The following AUTS2 variants were observed in gnomAD, a reference collection of about 807,000 sequenced individuals.
The protein encoded by AUTS2 is activator of transcription and developmental regulator AUTS2, also known as autism susceptibility gene 2 protein.
Under a neutral mutation model 112.4 loss-of-function variants are expected in AUTS2, and 17 were observed. The observed-to-expected ratio is 0.15, with a 90% CI of 0.10 to 0.23. The LOEUF (loss-of-function observed/expected upper bound fraction) is 0.23. Ranked by LOEUF, AUTS2 falls within the 10% of genes least tolerant of loss-of-function variation. The pLI is 1.00. For missense variants in AUTS2, 1,510 were observed against 1,701.6 expected, an observed-to-expected ratio of 0.89 and a Z score of 1.98; for synonymous variants, 751 against 702.7, an observed-to-expected ratio of 1.07 and a Z score of -1.09.
At chr7:70,186,794 C>A (rs1379027072) in intron 4 of AUTS2, among the ~76,000 whole-genome samples, 1 of 152,178 alleles carries the variant, frequency 6.6e-6, no homozygotes, top group Non-Finnish European at 1.5e-5. Context: ...GTCCTGAACT[C>A]CTGACCTCAG....
chr7:70,468,354 C>T (rs902992728), intron 5 of AUTS2, among the ~76,000 whole-genome samples: 3 of 152,148 alleles, frequency 2.0e-5, no homozygotes, highest in Non-Finnish European at 2.9e-5. Context: ...AGAGGTTCAC[C>T]TCCTGCTCTA....
At chr7:70,056,133 G>A (rs185195290) in intron 2 of AUTS2, among the ~76,000 whole-genome samples, 156 of 151,914 alleles carry the variant, frequency 1.0e-3, no homozygotes, top group Non-Finnish European at 1.8e-3. Context: ...GATTACAGGC[G>A]TGCACCACCG....
At chr7:70,677,384 G>A (rs1807969957) in intron 5 of AUTS2, among the ~76,000 whole-genome samples, 1 of 152,136 alleles carries the variant, frequency 6.6e-6, no homozygotes, top group South Asian at 2.1e-4. Context: ...CTCGTCCCAA[G>A]CAAAGTCTCT....
At chr7:69,943,115 A>G (rs2129545146) in intron 2 of AUTS2, among the ~76,000 whole-genome samples, 1 of 152,354 alleles carries the variant, frequency 6.6e-6, no homozygotes, top group African/African-American at 2.4e-5. Flanking sequence ...CACACAGAGC[A>G]TGCATATGCC....
chr7:70,312,443 A>G (rs767475792), intron 4 of AUTS2, among the ~76,000 whole-genome samples: 1 of 152,188 alleles, frequency 6.6e-6, no homozygotes, highest in African/African-American at 2.4e-5. Context: ...TGTATATAAT[A>G]TAGGCAGTGA....
intron 1 of AUTS2, 100 bp downstream of exon 1, chr7:69,600,062 C>T: frequency 1.7e-6 from 2 of 1,146,354 alleles, no homozygotes. Context: ...GGCTGTCTGT[C>T]TGTCTGTCTG....
intron 6 of AUTS2, among the ~76,000 whole-genome samples, chr7:70,760,075 A>G (rs371694417): frequency 8.0e-5 from 12 of 150,274 alleles, no homozygotes; most frequent in South Asian, 2.1e-4. Flanking sequence ...GTGTGATCTC[A>G]GCTCACTGCA....
chr7:69,891,131 A>G (rs1794501813), intron 1 of AUTS2, among the ~76,000 whole-genome samples: 1 of 152,142 alleles, frequency 6.6e-6, no homozygotes, highest in South Asian at 2.1e-4. Context: ...GTCCCTTTAT[A>G]ATCCCTTCTT....
Position 70,752,768 on chromosome 7 carries a change from C to A in AUTS2, c.743-10102C>A, listed in dbSNP as rs1011805221. Among the ~76,000 whole-genome samples the A allele has an allele frequency of 2.6e-5, 4 of 152,316 alleles. No homozygotes were observed. In the East Asian group the frequency reaches 5.8e-4, roughly 22 times the overall value. On this transcript the variant is annotated intron_variant, in intron 6 of 18. Transcript: ENST00000342771. ...TTTTTAAGGATGCCATACCCACCCCCAATAGATCACAACCTATTTCTCTCA... is the reference window on the plus strand; with the variant it reads ...TTTTTAAGGATGCCATACCCACCCCAAATAGATCACAACCTATTTCTCTCA...
At chr7:70,725,317 T>G (rs1786963226) in intron 6 of AUTS2, among the ~76,000 whole-genome samples, 1 of 152,314 alleles carries the variant, frequency 6.6e-6, no homozygotes, top group South Asian at 2.1e-4. Flanking sequence ...TGTCATCAAC[T>G]TGGAGCATTC....
At chr7:70,488,910 T>G (rs2116371523) in intron 5 of AUTS2, among the ~76,000 whole-genome samples, 1 of 152,300 alleles carries the variant, frequency 6.6e-6, no homozygotes, top group Admixed American at 6.5e-5. Flanking sequence ...GGCTCACTTT[T>G]CCCATCACAT....
chr7:70,620,773 C>T (rs1804630260), intron 5 of AUTS2, among the ~76,000 whole-genome samples: 1 of 152,242 alleles, frequency 6.6e-6, no homozygotes, highest in Non-Finnish European at 1.5e-5. Flanking sequence ...ATTTCTCCCT[C>T]TCATTGCTTG....
At chr7:70,700,071 C>T (rs1430496768) in intron 6 of AUTS2, among the ~76,000 whole-genome samples, 1 of 152,230 alleles carries the variant, frequency 6.6e-6, no homozygotes, top group Non-Finnish European at 1.5e-5. Flanking sequence ...AAGACCTGCA[C>T]TCTGGCCGCC....
chr7:70,508,201 TTCTGGAC>T (rs1182328750), intron 5 of AUTS2, among the ~76,000 whole-genome samples: 1 of 152,108 alleles, frequency 6.6e-6, no homozygotes, highest in Non-Finnish European at 1.5e-5. Flanking sequence ...ATTACAGTAT[TTCTGGAC>T]TCCCAGTGGG....
At chr7:70,512,543 C>A (rs146928537) in intron 5 of AUTS2, among the ~76,000 whole-genome samples, 1 of 152,096 alleles carries the variant, frequency 6.6e-6, no homozygotes, top group Non-Finnish European at 1.5e-5. Context: ...TCCCGCTCCT[C>A]AGTAGGAAAA....
Position 70,040,151 on chromosome 7 carries a change from C to T in AUTS2, c.523-77981C>T, listed in dbSNP as rs781108479. 3.2e-4 allele frequency among the ~76,000 whole-genome samples: 48 copies of T among 152,184 alleles called. 1 individual carries two copies. Among genetic ancestry groups the T allele is most frequent in the African/African-American group, 1.0e-3 (43 of 41,510 alleles). On this transcript the variant is annotated intron_variant, in intron 2 of 18. Coordinates refer to ENST00000342771, the MANE Select transcript of AUTS2 (RefSeq NM_015570.4). ...CAGTGGGTACATATAATTTTACGTA[C>T]GACCAAACCCATAGAATGTACAGCA...
At chr7:70,410,148 A>G (rs968966219) in intron 4 of AUTS2, among the ~76,000 whole-genome samples, 11 of 152,168 alleles carry the variant, frequency 7.2e-5, no homozygotes, top group African/African-American at 2.4e-4. Flanking sequence ...TTTGCCCATC[A>G]TCAGGTGGGA....
chr7:70,561,496 C>T (rs1417731629), intron 5 of AUTS2, among the ~76,000 whole-genome samples: 5 of 152,056 alleles, frequency 3.3e-5, no homozygotes, highest in South Asian at 4.2e-4. Context: ...CATAGTGGCA[C>T]GCACCTGTAG....
At chr7:70,269,356 GC>G (rs1202776032) in intron 4 of AUTS2, among the ~76,000 whole-genome samples, 1 of 152,094 alleles carries the variant, frequency 6.6e-6, no homozygotes, top group Non-Finnish European at 1.5e-5. Context: ...CTTAGTAGAA[GC>G]CTTGAACAAT....
Sources: gnomAD v4.1 joint callset for allele counts (sites outside exome capture counted in the v4.1 genomes callset) on GRCh38, gnomAD v4.1.1 for gene constraint, MANE v1.5 for transcripts, NCBI Gene and HGNC (gene_info 2026-07-23, HGNC 2026-07-21) for gene names.